DMRT1: variants seen among roughly 807,000 people sequenced by gnomAD.
The protein encoded by DMRT1 is doublesex- and mab-3-related transcription factor 1.
Under a neutral mutation model 32.3 loss-of-function variants are expected in DMRT1, and 7 were observed. The observed-to-expected ratio is 0.22, with a 90% CI of 0.12 to 0.41. The LOEUF is 0.41. Ranked by LOEUF, DMRT1 falls within the 10% of genes least tolerant of loss-of-function variation. DMRT1 has a pLI of 1.00. For missense variants in DMRT1, 625 were observed against 500.5 expected (o/e 1.25, Z -2.37); for synonymous variants, 278 against 206.1 (o/e 1.35, Z -2.99).
At chr9:915,966 C>T (rs1424752051) in intron 3 of DMRT1, among the ~76,000 whole-genome samples, 1 of 152,056 alleles carries the variant, frequency 6.6e-6, no homozygotes, top group African/African-American at 2.4e-5. Context: ...ATTTCCTGAC[C>T]TTGTGATCTG....
intron 4 of DMRT1, among the ~76,000 whole-genome samples, chr9:939,390 C>G (rs756712926): frequency 2.5e-4 from 38 of 152,220 alleles, no homozygotes; most frequent in Non-Finnish European, 3.5e-4. Context: ...AAGTCTTCTT[C>G]TTTAATTAGC....
intron 3 of DMRT1, among the ~76,000 whole-genome samples, chr9:906,238 G>A (rs1048755140): frequency 2.0e-5 from 3 of 152,178 alleles, no homozygotes; most frequent in African/African-American, 7.2e-5. Flanking sequence ...GTCGGATCTT[G>A]AATACCAGTT....
chr9:902,536 G>C (rs1322655574), intron 3 of DMRT1, among the ~76,000 whole-genome samples: 1 of 150,866 alleles, frequency 6.6e-6, no homozygotes, highest in Non-Finnish European at 1.5e-5. Context: ...GCCCAGGCTG[G>C]AGTACACCAA....
At chr9:941,840 T>C (rs1819084233) in intron 4 of DMRT1, among the ~76,000 whole-genome samples, 1 of 152,270 alleles carries the variant, frequency 6.6e-6, no homozygotes, top group South Asian at 2.1e-4. Flanking sequence ...CATTGATGAA[T>C]GTCCTAATGT....
intron 4 of DMRT1, among the ~76,000 whole-genome samples, chr9:954,409 A>G (rs7023831): frequency 0.048 from 7,254 of 151,978 alleles, 578 homozygotes; most frequent in African/African-American, 0.17. Flanking sequence ...ATTGGAAAGG[A>G]AGGATATGTG....
intron 3 of DMRT1, among the ~76,000 whole-genome samples, chr9:914,813 C>A (rs1335224957): frequency 1.3e-5 from 2 of 152,054 alleles, no homozygotes; most frequent in Non-Finnish European, 2.9e-5. Flanking sequence ...CAGTAGAGAT[C>A]AAAAATAAAT....
At chr9:903,948 C>T (rs765026414) in intron 3 of DMRT1, among the ~76,000 whole-genome samples, 4 of 152,124 alleles carry the variant, frequency 2.6e-5, no homozygotes, top group Non-Finnish European at 2.9e-5. Context: ...CCTGGGCTGT[C>T]CTACAGATTC....
intron 2 of DMRT1, among the ~76,000 whole-genome samples, chr9:860,533 A>G (rs1188418202): frequency 6.6e-6 from 1 of 152,140 alleles, no homozygotes; most frequent in Non-Finnish European, 1.5e-5. Flanking sequence ...ACTGAGCCAG[A>G]TCCTATTCTA....
intron 4 of DMRT1, among the ~76,000 whole-genome samples, chr9:943,072 A>C (rs558981346): frequency 6.6e-6 from 1 of 152,276 alleles, no homozygotes; most frequent in African/African-American, 2.4e-5. Flanking sequence ...GCAGAACCGA[A>C]GACAATAAGG....
At chr9:951,381 C>T (rs571941249) in intron 4 of DMRT1, among the ~76,000 whole-genome samples, 1 of 152,066 alleles carries the variant, frequency 6.6e-6, no homozygotes, top group Non-Finnish European at 1.5e-5. Context: ...TGGACAGTAA[C>T]CTTAATCAGC....
intron 4 of DMRT1, among the ~76,000 whole-genome samples, chr9:938,023 A>G (rs1253327489): frequency 6.6e-6 from 1 of 152,128 alleles, no homozygotes. Context: ...ATTTTTGTAT[A>G]CAATGTAAGG....
intron 2 of DMRT1, among the ~76,000 whole-genome samples, chr9:875,868 G>C (rs963932320): frequency 6.6e-6 from 1 of 152,140 alleles, no homozygotes; most frequent in Non-Finnish European, 1.5e-5. Flanking sequence ...AGAGCCTTCA[G>C]GGCTTTTGAA....
chr9:847,237 C>T (rs1296649051), intron 2 of DMRT1, 94 bp downstream of exon 2: 3 of 1,329,972 alleles, frequency 2.3e-6, no homozygotes, highest in East Asian at 2.4e-5. Flanking sequence ...GAGCTACATA[C>T]AGTGTTTAGA....
chr9:935,104 C>A (rs1274772636), intron 4 of DMRT1, among the ~76,000 whole-genome samples: 1 of 152,148 alleles, frequency 6.6e-6, no homozygotes, highest in South Asian at 2.1e-4. Flanking sequence ...GGGTGATTTT[C>A]AATTTTTCTA....
At chr9:939,457 A>T (rs984969216) in intron 4 of DMRT1, among the ~76,000 whole-genome samples, 1 of 152,226 alleles carries the variant, frequency 6.6e-6, no homozygotes, top group African/African-American at 2.4e-5. Flanking sequence ...AAACAGAGTT[A>T]ATTTACCGTG....
At chr9:902,921 G>A (rs75249674) in intron 3 of DMRT1, among the ~76,000 whole-genome samples, 2 of 152,240 alleles carry the variant, frequency 1.3e-5, no homozygotes, top group African/African-American at 4.8e-5. Context: ...GGGCCTACTA[G>A]GTCAGTAGGC....
rs184289629 is a variant in DMRT1 at position 921,289 on chromosome 9, A to G, written c.967+4382A>G. On this transcript the variant is annotated intron_variant, in intron 4 of 4. Transcript: ENST00000382276. ...TTCGCTTAGCTTAAATGTTTTCATG[A>G]TTCAGCTACACTGTCGTATAGATCA... Among the ~76,000 whole-genome samples the G allele has an allele frequency of 2.0e-5, 3 of 152,324 alleles. No individual in the cohort carries two copies. The East Asian group carries it at 5.8e-4, about 29-fold the overall frequency.
rs756646537 is a variant in DMRT1 at position 916,882 on chromosome 9, C to G, written c.942C>G (p.Pro314=). 1 of 1,614,072 alleles carries G rather than the reference C, an allele frequency of 6.2e-7. No individual in the cohort carries two copies. The highest frequency in any genetic ancestry group is 1.7e-5 in the Admixed American group (1 of 59,998). ...VPQFFTFEDA[P]SYPEARASVF... The stretch of plus-strand genomic sequence containing the variant: ...AGTTCTTCACTTTTGAGGATGCTCC[C>G]TCTTACCCGGAAGCCAGGGCGAGCG... The change falls in exon 4 of 5, where the codon CCC becomes CCG. Residue 314 remains proline (P), a synonymous_variant. Transcript: ENST00000382276.
chr9:942,147 G>T (rs531125258), intron 4 of DMRT1, among the ~76,000 whole-genome samples: 2 of 152,118 alleles, frequency 1.3e-5, no homozygotes, highest in East Asian at 3.8e-4. Flanking sequence ...CTAGGCCTTG[G>T]TCTTTTTGGA....
Sources: gnomAD v4.1 joint callset for allele counts (sites outside exome capture counted in the v4.1 genomes callset) on GRCh38, gnomAD v4.1.1 for gene constraint, MANE v1.5 for transcripts, NCBI Gene and HGNC (gene_info 2026-07-23, HGNC 2026-07-21) for gene names.